Variants in GRK5 observed in about 807,000 individuals in gnomAD.
GRK5 encodes the protein G protein-coupled receptor kinase 5, also known as g protein-coupled receptor kinase GRK5.
GRK5 carries 40 observed loss-of-function variants against 78.4 expected under a neutral mutation model. The observed-to-expected ratio is 0.51, with a 90% CI of 0.40 to 0.66. The LOEUF is 0.66. Ranked by LOEUF, GRK5 falls within the 30% of genes least tolerant of loss-of-function variation. GRK5 has a pLI of 0.00. For synonymous variants in GRK5, 289 were observed against 296.8 expected, an observed-to-expected ratio of 0.97 and a Z score of 0.27; for missense variants, 598 against 759.9, an observed-to-expected ratio of 0.79 and a Z score of 2.50.
In GRK5 at chr10:119,286,165, G is replaced by A. The variant is rs560522921; in HGVS notation, c.53-40351G>A. 1.1e-4 allele frequency among the ~76,000 whole-genome samples: 17 copies of A among 150,406 alleles called. 1 individual carries two copies. The highest frequency in any genetic ancestry group is 4.0e-4 in the African/African-American group (16 of 40,348). ...TTTTAAAAACTTTTCATTATGAAGC[G>A]TTTCAAATGTACTCAAAAAATAGAG... On this transcript the variant is annotated intron_variant, in intron 1 of 15. Coordinates refer to ENST00000392870, the MANE Select transcript of GRK5 (RefSeq NM_005308.3).
intron 1 of GRK5, among the ~76,000 whole-genome samples, chr10:119,236,701 A>G (rs1472658905): frequency 6.6e-6 from 1 of 151,582 alleles, no homozygotes; most frequent in Non-Finnish European, 1.5e-5. Context: ...GTACAGTGGC[A>G]TGATCTTGGC....
intron 1 of GRK5, among the ~76,000 whole-genome samples, chr10:119,236,660 G>A (rs1303075721): frequency 1.3e-5 from 2 of 151,834 alleles, no homozygotes; most frequent in Non-Finnish European, 2.9e-5. Context: ...TTTTTTTTGA[G>A]ACGGAGTCTT....
chr10:119,378,816 C>T lies in GRK5; in HGVS notation c.149-1999C>T, dbSNP rs992844821. The stretch of plus-strand genomic sequence containing the variant: ...TCTGGCAAAAGCCCTGGGAGGACTC[C>T]GGGGCCCCCACGGATCACAGGCCCT... On this transcript the variant is annotated intron_variant, in intron 2 of 15. Transcript: ENST00000392870. This position sits in a 1 kb window ranked among gnomAD's most constrained non-coding sequence, Gnocchi z 4.5. Among the ~76,000 whole-genome samples, 1 of 152,224 alleles carries T rather than the reference C, an allele frequency of 6.6e-6. No homozygotes were observed. The highest frequency in any genetic ancestry group is 1.5e-5 in the Non-Finnish European group (1 of 68,040).
intron 15 of GRK5, among the ~76,000 whole-genome samples, chr10:119,454,249 T>TA (rs1224048793): frequency 6.6e-6 from 1 of 152,176 alleles, no homozygotes; most frequent in Non-Finnish European, 1.5e-5. Flanking sequence ...AAAAAGAAAT[T>TA]ACCATGGAGT....
At position 119,297,728 on chromosome 10, in the gene GRK5, G is replaced by C. The variant is rs1325342277; in HGVS notation, c.53-28788G>C. ...CTTCTGCCTTCCACCACAGAGTGAT[G>C]TAGCGCGAAGGCCCTTGCCAGATGC... is the stretch of plus-strand genomic sequence containing the variant. On this transcript the variant is annotated intron_variant, in intron 1 of 15. Coordinates refer to ENST00000392870, the MANE Select transcript of GRK5 (RefSeq NM_005308.3). 2.0e-5 allele frequency among the ~76,000 whole-genome samples: 3 copies of C among 152,206 alleles called. No homozygotes were observed. In the East Asian group the frequency reaches 5.8e-4, roughly 29 times the overall value.
intron 1 of GRK5, among the ~76,000 whole-genome samples, chr10:119,259,151 G>A (rs908011942): frequency 1.4e-5 from 2 of 145,382 alleles, no homozygotes; most frequent in Non-Finnish European, 3.0e-5. Context: ...TGCAAGCTCC[G>A]TCTCCCAGGT....
At position 119,393,398 on chromosome 10, in the gene GRK5, C is replaced by G. The variant is rs1258370526; in HGVS notation, c.262-3297C>G. 3.3e-5 allele frequency among the ~76,000 whole-genome samples: 5 copies of G among 152,254 alleles called. No individual in the cohort carries two copies. In the South Asian group the frequency reaches 8.3e-4, roughly 25 times the overall value. ...TTTTTAACGTGGGTTTTAGTACCCA[C>G]AGCAAGAGTATTTTTAGCTGGTTAT... On this transcript the variant is annotated intron_variant, in intron 3 of 15. Coordinates refer to ENST00000392870, the MANE Select transcript of GRK5 (RefSeq NM_005308.3).
chr10:119,321,681 C>T (rs545107399), intron 1 of GRK5, among the ~76,000 whole-genome samples: 10 of 152,186 alleles, frequency 6.6e-5, no homozygotes, highest in African/African-American at 1.7e-4. Context: ...TGGAACCTAA[C>T]GTATTCACAG....
chr10:119,317,903 A>T (rs1056680859), intron 1 of GRK5, among the ~76,000 whole-genome samples: 3 of 151,982 alleles, frequency 2.0e-5, no homozygotes, highest in Admixed American at 2.0e-4. Flanking sequence ...AGTGGTTCTC[A>T]AAGTGAGAGT....
At chr10:119,415,778 C>T (rs1245207915) in intron 4 of GRK5, among the ~76,000 whole-genome samples, 1 of 152,200 alleles carries the variant, frequency 6.6e-6, no homozygotes, top group Non-Finnish European at 1.5e-5. Context: ...TTATACCACT[C>T]AGATCCATGC....
intron 2 of GRK5, among the ~76,000 whole-genome samples, chr10:119,328,346 C>A (rs1399607559): frequency 1.3e-5 from 2 of 152,048 alleles, no homozygotes; most frequent in African/African-American, 4.8e-5. Flanking sequence ...AGGGAGAACC[C>A]CTCTGGTGAC....
At chr10:119,439,651 C>T in intron 9 of GRK5, 80 bp from the exon 10 acceptor site, 9 of 1,409,046 alleles carry the variant, frequency 6.4e-6, no homozygotes, top group Non-Finnish European at 9.0e-6. Context: ...CCTGATTAGC[C>T]CGAGGGGTCG....
At chr10:119,258,292 T>C (rs1026996551) in intron 1 of GRK5, among the ~76,000 whole-genome samples, 9 of 152,244 alleles carry the variant, frequency 5.9e-5, no homozygotes, top group African/African-American at 2.2e-4. Context: ...TTTCCCTTTA[T>C]TTCTGAGCAA....
At chr10:119,236,179 G>C (rs1021089491) in intron 1 of GRK5, among the ~76,000 whole-genome samples, 4 of 151,270 alleles carry the variant, frequency 2.6e-5, no homozygotes, top group African/African-American at 9.7e-5. Context: ...AGTTCTTATT[G>C]TCTAGCCCAG....
At chr10:119,299,219 G>A (rs947266382) in intron 1 of GRK5, among the ~76,000 whole-genome samples, 2 of 152,176 alleles carry the variant, frequency 1.3e-5, no homozygotes, top group African/African-American at 4.8e-5. Flanking sequence ...AAGGCGGGTG[G>A]ATCACCTGAG....
intron 9 of GRK5, among the ~76,000 whole-genome samples, chr10:119,438,964 G>A (rs1409566317): frequency 6.6e-6 from 1 of 152,220 alleles, no homozygotes; most frequent in Non-Finnish European, 1.5e-5. Context: ...AACAAAGCTG[G>A]GTGGTTGAGA....
chr10:119,390,644 G>A (rs563978782), intron 3 of GRK5, among the ~76,000 whole-genome samples: 3 of 152,270 alleles, frequency 2.0e-5, no homozygotes, highest in African/African-American at 7.2e-5. Context: ...GCAGTGAGCC[G>A]AGATTGCACC....
chr10:119,421,127 G>A (rs148291160), intron 4 of GRK5, among the ~76,000 whole-genome samples: 5 of 152,288 alleles, frequency 3.3e-5, no homozygotes, highest in African/African-American at 9.6e-5. Context: ...ACATTGTATC[G>A]TCTTGCTCAC....
At chr10:119,385,079 C>A (rs904713596) in intron 3 of GRK5, among the ~76,000 whole-genome samples, 1 of 151,164 alleles carries the variant, frequency 6.6e-6, no homozygotes. Flanking sequence ...ACAGCCAGCA[C>A]AAAGGCCTGA....
Sources: gnomAD v4.1 joint callset for allele counts (sites outside exome capture counted in the v4.1 genomes callset) on GRCh38, gnomAD v4.1.1 for gene constraint, Gnocchi (gnomAD v3.1) non-coding constraint, MANE v1.5 for transcripts, NCBI Gene and HGNC (gene_info 2026-07-23, HGNC 2026-07-21) for gene names.